Variants in CLCN5 observed in about 807,000 individuals in gnomAD.
The protein encoded by CLCN5 is H(+)/Cl(-) exchange transporter 5.
A neutral mutation model predicts 54.0 loss-of-function variants in CLCN5; 17 were observed. The observed-to-expected ratio is 0.31, with a 90% CI of 0.22 to 0.47. CLCN5 has a LOEUF of 0.47. Among genes scored for constraint, CLCN5 ranks in the 20% least tolerant of loss-of-function variants. CLCN5 has a pLI of 1.00. For synonymous variants in CLCN5, 222 were observed against 233.0 expected, an observed-to-expected ratio of 0.95 and a Z score of 0.43; for missense variants, 448 against 646.7, an observed-to-expected ratio of 0.69 and a Z score of 3.33.
rs1374774806 is a variant in CLCN5 at position 49,942,630 on chromosome X, C to A, written c.16+17316C>A. Among the ~76,000 whole-genome samples the A allele has an allele frequency of 1.4e-4, 15 of 104,716 alleles. 1 individual carries two copies. Among genetic ancestry groups the A allele is most frequent in the Non-Finnish European group, 2.7e-4 (14 of 51,155 alleles). The allele number at this position is 104,716 out of a possible 115,157, so 90.9% of individuals were successfully genotyped here. A position where few individuals can be genotyped will look rare whatever the true frequency, so the allele number is the denominator to read the frequency against. ...CCAAGTGTTCTCATTGTTCAATTCC[C>A]ACCTATGAGTGAGAACTTGCGGTGT... On this transcript the variant is annotated intron_variant, in intron 3 of 14. Coordinates refer to ENST00000376091, the MANE Select transcript of CLCN5 (RefSeq NM_001127898.4).
chrX:49,948,111 C>A (rs781783305), intron 3 of CLCN5, among the ~76,000 whole-genome samples: 8 of 109,061 alleles, frequency 7.3e-5, no homozygotes, highest in Middle Eastern at 4.8e-3. Context: ...TACCTTTTTT[C>A]TCTTTATACT....
intron 3 of CLCN5, among the ~76,000 whole-genome samples, chrX:49,954,659 G>A: frequency 9.0e-6 from 1 of 111,273 alleles, no homozygotes; most frequent in Non-Finnish European, 1.9e-5. Context: ...TGTGGACTGA[G>A]TGGTCTACAC....
intron 4 of CLCN5, among the ~76,000 whole-genome samples, chrX:50,048,578 A>G (rs1369067351): frequency 1.8e-5 from 2 of 112,216 alleles, no homozygotes; most frequent in Non-Finnish European, 3.8e-5. Flanking sequence ...TTGTTGGTCA[A>G]ATTGTTCCAG....
chrX:50,023,017 A>G (rs1369316387), intron 3 of CLCN5, among the ~76,000 whole-genome samples: 10 of 87,273 alleles, frequency 1.1e-4, no homozygotes, highest in East Asian at 6.7e-4. Flanking sequence ...GCTGAGTTCA[A>G]TTCCTGGGTA....
chrX:49,941,506 A>G (rs1245730758), intron 3 of CLCN5, among the ~76,000 whole-genome samples: 7 of 111,232 alleles, frequency 6.3e-5, no homozygotes, highest in African/African-American at 2.3e-4. Flanking sequence ...AGAGCTCAGC[A>G]TCTTCTCTGT....
chrX:49,989,252 C>T (rs915698368), intron 3 of CLCN5, among the ~76,000 whole-genome samples: 1 of 110,176 alleles, frequency 9.1e-6, no homozygotes, highest in South Asian at 4.0e-4. Context: ...TTTTTAAAAA[C>T]ATGTTCGTAG....
At chrX:49,932,838 CTG>C (rs1450148047) in intron 3 of CLCN5, among the ~76,000 whole-genome samples, 7 of 112,422 alleles carry the variant, frequency 6.2e-5, no homozygotes, top group African/African-American at 2.3e-4. Flanking sequence ...CAATGAGAAA[CTG>C]TTCTTCAAAT....
At chrX:50,013,293 C>T (rs1557182938) in intron 3 of CLCN5, 2 of 370,397 alleles carry the variant, frequency 5.4e-6, no homozygotes, top group East Asian at 1.6e-4. Flanking sequence ...TCTCAAAACA[C>T]CTCCTGTGTG....
chrX:50,039,236 A>T (rs1262781942), intron 3 of CLCN5, among the ~76,000 whole-genome samples: 11 of 112,318 alleles, frequency 9.8e-5, no homozygotes, highest in African/African-American at 3.2e-4. Context: ...CAAGGCTGCA[A>T]TGAGCAGTAG....
Position 50,075,901 on chromosome X carries a change from C to T in CLCN5, c.522C>T (p.Asn174=). 5 of 1,211,015 alleles carry T rather than the reference C, an allele frequency of 4.1e-6. No individual in the cohort carries two copies. The highest frequency in any genetic ancestry group is 1.7e-5 in the African/African-American group (1 of 57,843). Residue 174 remains asparagine (N), a synonymous_variant, in exon 7 of 15, where the codon AAC becomes AAT. Transcript: ENST00000376091. The part of the protein sequence containing the change: ...FWFNHEHCCW[N]SEHVTFEERD... The stretch of plus-strand genomic sequence containing the variant: ...TTAACCATGAACATTGTTGCTGGAA[C>T]TCTGAGCATGTCACCTTTGAAGAGA...
chrX:49,928,652 G>A (rs1421409206), intron 3 of CLCN5, among the ~76,000 whole-genome samples: 12 of 111,918 alleles, frequency 1.1e-4, no homozygotes, highest in Non-Finnish European at 1.3e-4. Context: ...GCAGCCGGGC[G>A]CGGTGGCTCA....
chrX:49,948,330 A>G (rs1386245263), intron 3 of CLCN5, among the ~76,000 whole-genome samples: 4 of 111,239 alleles, frequency 3.6e-5, no homozygotes, highest in African/African-American at 1.3e-4. Flanking sequence ...GTTGAGTCCC[A>G]GATCTATAAA....
intron 3 of CLCN5, among the ~76,000 whole-genome samples, chrX:49,982,276 C>T (rs1262640206): frequency 9.1e-6 from 1 of 109,570 alleles, no homozygotes; most frequent in African/African-American, 3.3e-5. Flanking sequence ...CAAATAGCAT[C>T]ATATAAAACC....
At chrX:50,011,618 G>A (rs782028151) in intron 3 of CLCN5, among the ~76,000 whole-genome samples, 1 of 112,402 alleles carries the variant, frequency 8.9e-6, no homozygotes, top group South Asian at 3.7e-4. Flanking sequence ...CCCATTCTCA[G>A]CGTGCAAGCC....
At chrX:50,075,112 C>G (rs1259956625) in intron 6 of CLCN5, among the ~76,000 whole-genome samples, 1 of 111,617 alleles carries the variant, frequency 9.0e-6, no homozygotes, top group Non-Finnish European at 1.9e-5. Context: ...TGTTCATGTC[C>G]TAGGTTCAGG....
chrX:49,953,109 T>C (rs1366073350), intron 3 of CLCN5, among the ~76,000 whole-genome samples: 7 of 110,940 alleles, frequency 6.3e-5, no homozygotes, highest in Non-Finnish European at 1.1e-4. Flanking sequence ...GGTCTTGAAC[T>C]CCCAGATCAC....
At chrX:50,010,443 A>G (rs781788375) in intron 3 of CLCN5, among the ~76,000 whole-genome samples, 2 of 110,338 alleles carry the variant, frequency 1.8e-5, no homozygotes, top group Non-Finnish European at 3.8e-5. Flanking sequence ...GGGTCTCACT[A>G]TGTTGCCCAA....
chrX:50,056,452 G>T (rs893990150), intron 4 of CLCN5, among the ~76,000 whole-genome samples: 1 of 111,486 alleles, frequency 9.0e-6, no homozygotes. Context: ...GGAGTGGGGC[G>T]CTGTTTACTT....
chrX:49,928,938 A>G (rs1925494868), intron 3 of CLCN5, among the ~76,000 whole-genome samples: 2 of 111,898 alleles, frequency 1.8e-5, no homozygotes, highest in Admixed American at 1.9e-4. Context: ...AAACAACAAC[A>G]AACATCTAGC....
Sources: gnomAD v4.1 joint callset for allele counts (sites outside exome capture counted in the v4.1 genomes callset) on GRCh38, gnomAD v4.1.1 for gene constraint, MANE v1.5 for transcripts, NCBI Gene and HGNC (gene_info 2026-07-23, HGNC 2026-07-21) for gene names.